The following ZNF385D variants were observed in gnomAD, a reference collection of about 807,000 sequenced individuals.
The protein encoded by ZNF385D is zinc finger protein 659.
ZNF385D carries 15 observed loss-of-function variants against 35.8 expected under a neutral mutation model. The observed-to-expected ratio is 0.42, with a 90% CI of 0.28 to 0.64. The LOEUF (loss-of-function observed/expected upper bound fraction) is 0.64, where lower values mean the gene tolerates loss of function less well. ZNF385D is among the 30% of genes least tolerant of loss of function. The probability of loss-of-function intolerance (pLI) is 0.23; values close to 1 mark genes in which losing one functional copy is unlikely to be tolerated. For synonymous variants in ZNF385D, 212 were observed against 186.8 expected, an observed-to-expected ratio of 1.13 and a Z score of -1.10; for missense variants, 474 against 494.6, an observed-to-expected ratio of 0.96 and a Z score of 0.39.
intron 4 of ZNF385D, among the ~76,000 whole-genome samples, chr3:21,461,752 C>A (rs987994308): frequency 6.6e-6 from 1 of 152,344 alleles, no homozygotes; most frequent in Non-Finnish European, 1.5e-5. Flanking sequence ...CATACACTAT[C>A]AACTTGTAGC....
chr3:22,345,872 A>C (rs1232076706), intron 2 of ZNF385D, among the ~76,000 whole-genome samples: 1 of 151,990 alleles, frequency 6.6e-6, no homozygotes, highest in Non-Finnish European at 1.5e-5. Context: ...TAAAGTCTGC[A>C]CTCTTGCCCA....
At chr3:21,623,799 A>G (rs2065067476) in intron 2 of ZNF385D, among the ~76,000 whole-genome samples, 1 of 152,114 alleles carries the variant, frequency 6.6e-6, no homozygotes, top group African/African-American at 2.4e-5. Flanking sequence ...TGGCCCAATG[A>G]TACTGATTTT....
At chr3:21,637,373 T>G (rs1386614219) in intron 2 of ZNF385D, among the ~76,000 whole-genome samples, 1 of 152,084 alleles carries the variant, frequency 6.6e-6, no homozygotes, top group Non-Finnish European at 1.5e-5. Flanking sequence ...TTCCCCACTT[T>G]ATGTTTTTGT....
chr3:22,358,200 A>T lies in ZNF385D; in HGVS notation c.106+14250T>A, dbSNP rs1422048524. Among the ~76,000 whole-genome samples the T allele has an allele frequency of 2.6e-5, 4 of 151,910 alleles. No individual in the cohort carries two copies. The South Asian group carries it at 6.2e-4, about 24-fold the overall frequency. On this transcript the variant is annotated intron_variant, in intron 2 of 5. Coordinates refer to the ZNF385D transcript ENST00000494108. Reference sequence around the variant, plus strand: ...AAAGTTCACTTGTAATAACTGAAAAATTGTCTCAGAAATATGACAAATTGA... The same window carrying T: ...AAAGTTCACTTGTAATAACTGAAAATTTGTCTCAGAAATATGACAAATTGA...
At chr3:21,732,012 T>C (rs182408048) in intron 1 of ZNF385D, among the ~76,000 whole-genome samples, 1 of 147,084 alleles carries the variant, frequency 6.8e-6, no homozygotes. Context: ...CTATTCAGGG[T>C]TTTTTTCTTT....
In ZNF385D at chr3:22,123,958, C is replaced by CTATA. The variant is rs1369577983; in HGVS notation, c.325+44858_325+44859insTATA. 5.6e-4 allele frequency among the ~76,000 whole-genome samples: 45 copies of CTATA among 79,766 alleles called. 1 individual carries two copies. The highest frequency in any genetic ancestry group is 7.8e-4 in the African/African-American group (19 of 24,262). 52.3% of individuals were successfully genotyped at this position (79,766 alleles called of 152,430 possible). On this transcript the variant is annotated intron_variant, in intron 3 of 5. Transcript: ENST00000494108. ...TCTCTCTCTCTCTCTCTCTCTCTCT[C>CTATA]TCTCTATATATATATATATATATAT...
chr3:21,854,568 G>A (rs892665253), intron 3 of ZNF385D, among the ~76,000 whole-genome samples: 9 of 151,868 alleles, frequency 5.9e-5, no homozygotes, highest in Non-Finnish European at 1.3e-4. Flanking sequence ...TTTACTCTGT[G>A]CCCTGAAATT....
chr3:21,765,061 T>C (rs1441212802), intron 3 of ZNF385D, among the ~76,000 whole-genome samples: 1 of 152,160 alleles, frequency 6.6e-6, no homozygotes, highest in Admixed American at 6.5e-5. Flanking sequence ...AAATGTTTTC[T>C]TTTTTCTCTG....
chr3:21,941,599 G>A (rs894738804), intron 3 of ZNF385D, among the ~76,000 whole-genome samples: 2 of 141,166 alleles, frequency 1.4e-5, no homozygotes, highest in East Asian at 2.2e-4. Flanking sequence ...CCGGGTTCAC[G>A]CCATTCTCCT....
intron 4 of ZNF385D, among the ~76,000 whole-genome samples, chr3:21,494,927 CT>C (rs1304299999): frequency 6.6e-6 from 1 of 152,162 alleles, no homozygotes; most frequent in African/African-American, 2.4e-5. Context: ...CGTCTACCTC[CT>C]TTATAGGAAA....
At chr3:22,286,003 T>G (rs1702004243) in intron 2 of ZNF385D, among the ~76,000 whole-genome samples, 1 of 152,112 alleles carries the variant, frequency 6.6e-6, no homozygotes, top group Admixed American at 6.6e-5. Flanking sequence ...CATTTCTTAT[T>G]AAATTTATTT....
chr3:21,459,920 G>A (rs1171838401), intron 4 of ZNF385D, among the ~76,000 whole-genome samples: 1 of 152,072 alleles, frequency 6.6e-6, no homozygotes, highest in African/African-American at 2.4e-5. Flanking sequence ...TCTGTTCCAC[G>A]TCCCAGACTG....
At chr3:21,937,719 A>G (rs1392856712) in intron 3 of ZNF385D, among the ~76,000 whole-genome samples, 1 of 152,170 alleles carries the variant, frequency 6.6e-6, no homozygotes, top group East Asian at 1.9e-4. Context: ...TGTGAACAAG[A>G]AAAAAATGTG....
chr3:22,236,407 C>T (rs866926254), intron 2 of ZNF385D, among the ~76,000 whole-genome samples: 4 of 152,146 alleles, frequency 2.6e-5, no homozygotes, highest in African/African-American at 9.7e-5. Flanking sequence ...TCATAGCTCA[C>T]TGCAGCCTCA....
chr3:21,498,110 C>G (rs989454165), intron 4 of ZNF385D, among the ~76,000 whole-genome samples: 3 of 151,996 alleles, frequency 2.0e-5, no homozygotes. Context: ...AAAAACGAGC[C>G]ATGGGGAAAG....
At chr3:22,268,887 G>T (rs1023620694) in intron 2 of ZNF385D, among the ~76,000 whole-genome samples, 79 of 151,918 alleles carry the variant, frequency 5.2e-4, no homozygotes, top group African/African-American at 1.7e-3. Flanking sequence ...AATAGTGGGG[G>T]TGGGGGAGAA....
intron 3 of ZNF385D, among the ~76,000 whole-genome samples, chr3:22,117,953 T>A (rs1702893315): frequency 6.6e-6 from 1 of 152,056 alleles, no homozygotes; most frequent in African/African-American, 2.4e-5. Context: ...CTCTCATGGA[T>A]ATTACAGAAG....
At chr3:21,631,637 T>G (rs2125836373) in intron 2 of ZNF385D, among the ~76,000 whole-genome samples, 1 of 152,230 alleles carries the variant, frequency 6.6e-6, no homozygotes, top group Non-Finnish European at 1.5e-5. Flanking sequence ...TTGGGCAATC[T>G]AACCACCTTT....
intron 3 of ZNF385D, among the ~76,000 whole-genome samples, chr3:21,756,733 G>A (rs1200232717): frequency 6.6e-6 from 1 of 152,216 alleles, no homozygotes; most frequent in East Asian, 1.9e-4. Flanking sequence ...GAATGCATAT[G>A]TGTTGACATA....
Sources: gnomAD v4.1 joint callset for allele counts (sites outside exome capture counted in the v4.1 genomes callset) on GRCh38, gnomAD v4.1.1 for gene constraint, MANE v1.5 for transcripts, NCBI Gene and HGNC (gene_info 2026-07-23, HGNC 2026-07-21) for gene names.